ZNRF3: variants seen among roughly 807,000 people sequenced by gnomAD.
ZNRF3 encodes zinc and ring finger 3, also known as E3 ubiquitin-protein ligase ZNRF3.
A neutral mutation model predicts 72.5 loss-of-function variants in ZNRF3; 23 were observed. The ratio of observed to expected loss-of-function variants is 0.32; its 90% CI spans 0.23 to 0.45. The LOEUF (loss-of-function observed/expected upper bound fraction) is 0.45. Ranked by LOEUF, ZNRF3 falls within the 20% of genes least tolerant of loss-of-function variation. ZNRF3 has a pLI of 1.00. For missense variants in ZNRF3, 1,169 were observed against 1,272.1 expected (o/e 0.92, Z 1.23); for synonymous variants, 610 against 545.3 (o/e 1.12, Z -1.65).
intron 1 of ZNRF3, among the ~76,000 whole-genome samples, chr22:28,891,485 A>T (rs1011812239): frequency 1.8e-4 from 27 of 152,248 alleles, no homozygotes; most frequent in Non-Finnish European, 3.4e-4. Flanking sequence ...GCTACTAATG[A>T]TCAAGTGCTT....
chr22:28,963,692 A>G (rs1180745651), intron 1 of ZNRF3, among the ~76,000 whole-genome samples: 1 of 152,188 alleles, frequency 6.6e-6, no homozygotes, highest in Admixed American at 6.5e-5. Context: ...GCCACTATGT[A>G]TCAGGAATTA....
intron 1 of ZNRF3, among the ~76,000 whole-genome samples, chr22:28,943,657 A>G (rs772146500): frequency 3.3e-5 from 5 of 151,912 alleles, no homozygotes; most frequent in Non-Finnish European, 7.4e-5. Context: ...CATTTTTATT[A>G]TAATGTGATT....
chr22:29,043,302 A>T lies in ZNRF3; in HGVS notation c.505A>T (p.Asn169Tyr), dbSNP rs2037002363. 6.2e-7 allele frequency: 1 copy of T among 1,613,868 alleles called. No individual in the cohort carries two copies. Among genetic ancestry groups the T allele is most frequent in the African/African-American group, 1.3e-5 (1 of 74,904 alleles). The change falls in exon 4 of 9, where the codon AAC becomes TAC. Residue 169 changes from asparagine (N) to tyrosine (Y), a missense_variant. Asn to Tyr is a moderately radical substitution (Grantham distance 143). This residue lies in a region of ZNRF3 where 386 missense variants were observed against 540.7 expected (regional missense o/e 0.71). Coordinates refer to ENST00000544604, the MANE Select transcript of ZNRF3 (RefSeq NM_001206998.2). ...AGAGCCCTCTCTTCTTCCTTAGCTG[A>T]ACCAGGGCTCTGAAGACCCGCTCAA... ...SENPEAIDQL[N>Y]QGSEDPLKRP...
At chr22:29,033,842 C>A (rs1052254463) in intron 2 of ZNRF3, among the ~76,000 whole-genome samples, 1 of 152,150 alleles carries the variant, frequency 6.6e-6, no homozygotes, top group Non-Finnish European at 1.5e-5. Flanking sequence ...AGGCCCATGG[C>A]AAGACCCCTT....
intron 2 of ZNRF3, among the ~76,000 whole-genome samples, chr22:29,006,717 ATTTGGTATTAACTCT>A (rs1569278873): frequency 1.1e-4 from 17 of 152,118 alleles, no homozygotes; most frequent in Non-Finnish European, 4.4e-5. Context: ...AAGTGCACCT[ATTTGGTATTAACTCT>A]AATTTCTACT....
At chr22:28,940,431 C>G (rs369781293) in intron 1 of ZNRF3, among the ~76,000 whole-genome samples, 1 of 150,950 alleles carries the variant, frequency 6.6e-6, no homozygotes, top group East Asian at 1.9e-4. Context: ...TGAAAATCTA[C>G]TCTCCTAGAT....
intron 1 of ZNRF3, among the ~76,000 whole-genome samples, chr22:28,937,991 A>G (rs944318819): frequency 1.4e-4 from 22 of 152,198 alleles, no homozygotes; most frequent in Non-Finnish European, 5.9e-5. Flanking sequence ...ATTATGGAAC[A>G]TTTGTCAGAA....
At chr22:28,924,117 C>G (rs2034558634) in intron 1 of ZNRF3, among the ~76,000 whole-genome samples, 1 of 152,228 alleles carries the variant, frequency 6.6e-6, no homozygotes, top group Admixed American at 6.5e-5. Flanking sequence ...GCCTGTGAGA[C>G]AGGTTCTTTT....
intron 8 of ZNRF3, among the ~76,000 whole-genome samples, chr22:29,051,784 A>G (rs527619286): frequency 6.6e-6 from 1 of 151,522 alleles, no homozygotes; most frequent in South Asian, 2.1e-4. Context: ...GGGCACCTGT[A>G]ATCCTAGCTA....
intron 2 of ZNRF3, among the ~76,000 whole-genome samples, chr22:28,996,919 G>T (rs187463249): frequency 6.6e-6 from 1 of 152,328 alleles, no homozygotes; most frequent in Admixed American, 6.5e-5. Context: ...TTGTGGGGAT[G>T]AGGGGCCTTA....
chr22:28,902,363 C>T (rs2034124483), intron 1 of ZNRF3, among the ~76,000 whole-genome samples: 1 of 151,876 alleles, frequency 6.6e-6, no homozygotes, highest in South Asian at 2.1e-4. Flanking sequence ...GCTACGCAGA[C>T]ACCCAGCATT....
intron 1 of ZNRF3, among the ~76,000 whole-genome samples, chr22:28,937,367 A>G (rs2034858903): frequency 1.3e-5 from 2 of 151,692 alleles, no homozygotes; most frequent in Non-Finnish European, 2.9e-5. Context: ...AGAACAGGTC[A>G]GTGTGAGCTT....
At chr22:29,011,791 T>C (rs1292691318) in intron 2 of ZNRF3, among the ~76,000 whole-genome samples, 1 of 152,266 alleles carries the variant, frequency 6.6e-6, no homozygotes, top group Non-Finnish European at 1.5e-5. Context: ...CGCTGGGGAA[T>C]GGCACTTTGG....
Position 29,049,736 on chromosome 22 carries a change from TC to T in ZNRF3, c.1558del (p.His520ThrfsTer50). ...FPTVVHVAPP[S>X]HLESGSTSSF... ...CACCGTGGTGCACGTGGCCCCGCCC[TC>T]CCACCTGGAGAGCGGCAGCACGTCC... On this transcript the variant is annotated frameshift_variant, in exon 8 of 9. Coordinates refer to ENST00000544604, the MANE Select transcript of ZNRF3 (RefSeq NM_001206998.2). LOFTEE classifies it high-confidence loss of function. This position sits in a 1 kb window ranked among gnomAD's most constrained non-coding sequence, Gnocchi z 5.2. The T allele has an allele frequency of 6.3e-7, 1 of 1,597,226 alleles. No individual in the cohort carries two copies.
chr22:29,042,645 G>C, intron 3 of ZNRF3, 76 bp downstream of exon 3: 1 of 1,312,550 alleles, frequency 7.6e-7, no homozygotes, highest in Non-Finnish European at 1.1e-6. Flanking sequence ...GGCTTGTCCC[G>C]GTCATGTCAC....
chr22:28,997,521 T>C (rs757448096), intron 2 of ZNRF3, among the ~76,000 whole-genome samples: 11 of 152,196 alleles, frequency 7.2e-5, no homozygotes, highest in Non-Finnish European at 1.0e-4. Context: ...CTTTGTGCTA[T>C]GGTTCTGTTG....
At chr22:28,975,507 C>CA (rs71316877) in intron 1 of ZNRF3, among the ~76,000 whole-genome samples, 19,551 of 47,714 alleles carry the variant, frequency 0.41, 4,454 homozygotes, top group Non-Finnish European at 0.51. Context: ...TACTCTGTCT[C>CA]AAAAAAAAAA....
intron 2 of ZNRF3, among the ~76,000 whole-genome samples, chr22:29,034,870 A>G (rs2036837906): frequency 3.3e-5 from 5 of 152,134 alleles, no homozygotes; most frequent in Admixed American, 3.3e-4. Context: ...CGGCTGCTGT[A>G]TGAGTCCCCA....
intron 2 of ZNRF3, among the ~76,000 whole-genome samples, chr22:29,009,905 CTTTTTTTTTTT>C (rs57028204): frequency 8.1e-6 from 1 of 123,568 alleles, no homozygotes; most frequent in Non-Finnish European, 1.6e-5. Flanking sequence ...ACTTTTTCCT[CTTTTTTTTTTT>C]TTTTTTTTGA....
Sources: allele counts gnomAD v4.1 joint callset (sites outside exome capture counted in the v4.1 genomes callset), GRCh38; gene constraint gnomAD v4.1.1; regional missense constraint gnomAD v4.1.1; non-coding constraint Gnocchi (gnomAD v3.1); transcripts MANE v1.5; gene names NCBI Gene and HGNC (gene_info 2026-07-23, HGNC 2026-07-21).